Variants in KLHL1 observed in about 807,000 individuals in gnomAD.
The protein encoded by KLHL1 is kelch-like protein 1.
In KLHL1, 47 loss-of-function variants were observed where a neutral mutation model predicts 77.7. The ratio of observed to expected loss-of-function variants is 0.60; its 90% CI spans 0.48 to 0.77. The LOEUF is 0.77. KLHL1 is among the 30% of genes least tolerant of loss of function. The pLI, the probability that KLHL1 is intolerant of heterozygous loss-of-function variation, is 0.00. For synonymous variants in KLHL1, 360 were observed against 325.2 expected (o/e 1.11, Z -1.15); for missense variants, 925 against 910.8 (o/e 1.02, Z -0.20).
At chr13:69,952,294 G>A (rs141024967) in intron 3 of KLHL1, among the ~76,000 whole-genome samples, 1,571 of 151,432 alleles carry the variant, frequency 0.01, 26 homozygotes, top group African/African-American at 0.035. Context: ...TAGTATTTAC[G>A]TTTTTCAGGC....
intron 4 of KLHL1, among the ~76,000 whole-genome samples, chr13:69,893,626 A>T (rs1881516861): frequency 6.6e-6 from 1 of 152,232 alleles, no homozygotes. Flanking sequence ...ACATTACAAC[A>T]TATATTGTTA....
At chr13:69,724,678 G>T (rs555354273) in intron 8 of KLHL1, among the ~76,000 whole-genome samples, 1 of 151,848 alleles carries the variant, frequency 6.6e-6, no homozygotes, top group Non-Finnish European at 1.5e-5. Flanking sequence ...AGGATGCAAG[G>T]ATAGTTCAAC....
rs1883318985 is a variant in KLHL1 at position 69,940,056 on chromosome 13, G to T, written c.998C>A (p.Ala333Asp). 4 of 1,605,906 alleles carry T rather than the reference G, an allele frequency of 2.5e-6. No individual in the cohort carries two copies. The highest frequency in any genetic ancestry group is 3.4e-6 in the Non-Finnish European group (4 of 1,176,046). ...TTTCCTTACCATTGTGTAGCTGTGG[G>T]CCACCTTCATTAACTCAATGCATCC... ...AQGCIELMKVAHSYTMENIME... is the reference protein window; with the variant it reads ...AQGCIELMKVDHSYTMENIME... The change falls in exon 4 of 11, where the codon GCC (alanine) becomes GAC (aspartate). Residue 333 changes from alanine (A) to aspartate (D), a missense_variant. Physicochemically the swap from Ala to Asp is moderately radical, Grantham distance 126 (BLOSUM62 -2). Coordinates refer to ENST00000377844, the MANE Select transcript of KLHL1 (RefSeq NM_020866.3).
Position 69,961,375 on chromosome 13 carries a change from T to C in KLHL1, c.750A>G (p.Gln250=). ...CTATGCCTTCCATTTTGATCTCCTC[T>C]TGCTTGGCTTCACAAACATCACTTG... ...MFTSDVCEAK[Q]EEIKMEGIDP... The change falls in exon 3 of 11, where the codon CAA becomes CAG. Residue 250 remains glutamine (Q), a synonymous_variant. Transcript: ENST00000377844. The C allele has an allele frequency of 6.2e-7, 1 of 1,613,184 alleles. No homozygotes were observed. The highest frequency in any genetic ancestry group is 8.5e-7 in the Non-Finnish European group (1 of 1,179,432).
At chr13:70,063,508 TTTG>T (rs961007366) in intron 1 of KLHL1, among the ~76,000 whole-genome samples, 1 of 152,086 alleles carries the variant, frequency 6.6e-6, no homozygotes, top group Non-Finnish European at 1.5e-5. Context: ...GCCATGTTAT[TTTG>T]TTATTTAAAA....
At chr13:70,013,221 G>C (rs1314827719) in intron 1 of KLHL1, among the ~76,000 whole-genome samples, 1 of 151,980 alleles carries the variant, frequency 6.6e-6, no homozygotes, top group African/African-American at 2.4e-5. Context: ...ACACTTCAAA[G>C]TACAACACTG....
At chr13:69,864,144 C>A (rs1880278071) in intron 5 of KLHL1, among the ~76,000 whole-genome samples, 1 of 151,738 alleles carries the variant, frequency 6.6e-6, no homozygotes, top group African/African-American at 2.4e-5. Context: ...ACTCCGGGGA[C>A]TTTTATAAAA....
intron 1 of KLHL1, among the ~76,000 whole-genome samples, chr13:70,025,071 T>A (rs1267662929): frequency 6.6e-6 from 1 of 152,050 alleles, no homozygotes; most frequent in Non-Finnish European, 1.5e-5. Context: ...ATGAATTTTA[T>A]GTGATCCTAC....
At chr13:69,898,560 C>A (rs563949912) in intron 4 of KLHL1, among the ~76,000 whole-genome samples, 3 of 152,242 alleles carry the variant, frequency 2.0e-5, no homozygotes, top group East Asian at 1.9e-4. Flanking sequence ...TGAGTGAGTT[C>A]TTTTGAACCC....
chr13:69,836,827 A>T (rs1879009990), intron 6 of KLHL1, among the ~76,000 whole-genome samples: 1 of 151,726 alleles, frequency 6.6e-6, no homozygotes, highest in Admixed American at 6.6e-5. Flanking sequence ...GGCTGTTACT[A>T]CTGACCAAAC....
rs943526567 is a variant in KLHL1, at chr13:69,714,464, G to T, written c.2015+4905C>A. Reference sequence around the variant, plus strand: ...CCAGTTTAAACAAACTTTAAAAATTGGATACGCTTAACAGTTCAAAACTAA... The same window carrying T: ...CCAGTTTAAACAAACTTTAAAAATTTGATACGCTTAACAGTTCAAAACTAA... On this transcript the variant is annotated intron_variant, in intron 9 of 10. Coordinates refer to ENST00000377844, the MANE Select transcript of KLHL1 (RefSeq NM_020866.3). Among the ~76,000 whole-genome samples, 3 of 151,896 alleles carry T rather than the reference G, an allele frequency of 2.0e-5. 1 individual carries two copies. The highest frequency in any genetic ancestry group is 2.9e-5 in the Non-Finnish European group (2 of 67,962).
chr13:70,061,733 T>G (rs1322746832), intron 1 of KLHL1, among the ~76,000 whole-genome samples: 3 of 152,222 alleles, frequency 2.0e-5, no homozygotes, highest in African/African-American at 7.2e-5. Context: ...TCTTGCATTT[T>G]CAAATTCCTT....
At position 69,750,524 on chromosome 13, in the gene KLHL1, A is replaced by G. The variant is rs1173534787; in HGVS notation, c.1640-9968T>C. Among the ~76,000 whole-genome samples, 3 of 151,846 alleles carry G rather than the reference A, an allele frequency of 2.0e-5. No homozygotes were observed. The East Asian group carries it at 5.8e-4, about 29-fold the overall frequency. On this transcript the variant is annotated intron_variant, in intron 7 of 10. Transcript: ENST00000377844. ...TACATGTATGTGTGTATATATATGC[A>G]TGTGTATATATATGCATAGTTTTCA... is the stretch of plus-strand genomic sequence containing the variant.
intron 8 of KLHL1, among the ~76,000 whole-genome samples, chr13:69,729,647 T>C (rs7318701): frequency 0.053 from 8,004 of 151,998 alleles, 364 homozygotes; most frequent in African/African-American, 0.12. Flanking sequence ...CTGAGTAACA[T>C]AGGAAAAGTA....
intron 7 of KLHL1, among the ~76,000 whole-genome samples, chr13:69,745,034 C>A (rs1874147288): frequency 1.3e-5 from 2 of 151,868 alleles, no homozygotes; most frequent in African/African-American, 4.8e-5. Context: ...ATCTAAAAAG[C>A]TTTCCAGGTT....
chr13:69,892,221 A>G (rs1336868394), intron 4 of KLHL1, among the ~76,000 whole-genome samples: 1 of 152,176 alleles, frequency 6.6e-6, no homozygotes, highest in Non-Finnish European at 1.5e-5. Context: ...TCTCTGTACA[A>G]TCTTTATAAA....
rs1883267470 is a variant in KLHL1, at chr13:69,939,072, A to T, written c.1014+968T>A. The stretch of plus-strand genomic sequence containing the variant: ...CAATGAAGACATTAATAATATGAAT[A>T]ATAATATCACAGTAAAAATAGGTAG... On this transcript the variant is annotated intron_variant, in intron 4 of 10. Transcript: ENST00000377844. Among the ~76,000 whole-genome samples the T allele has an allele frequency of 2.0e-5, 3 of 151,676 alleles. No individual in the cohort carries two copies. The South Asian group carries it at 6.2e-4, about 31-fold the overall frequency.
At chr13:70,105,648 G>T (rs1226478973) in intron 1 of KLHL1, among the ~76,000 whole-genome samples, 2 of 151,110 alleles carry the variant, frequency 1.3e-5, no homozygotes, top group African/African-American at 2.4e-5. Flanking sequence ...CTCCCAAAAA[G>T]TGTTTATATT....
chr13:69,867,396 T>C (rs896916454), intron 5 of KLHL1, among the ~76,000 whole-genome samples: 6 of 152,106 alleles, frequency 3.9e-5, no homozygotes, highest in African/African-American at 1.4e-4. Context: ...TCAATATTTG[T>C]TTCAGTTACT....
Sources: allele counts gnomAD v4.1 joint callset (sites outside exome capture counted in the v4.1 genomes callset), GRCh38; gene constraint gnomAD v4.1.1; transcripts MANE v1.5; gene names NCBI Gene and HGNC (gene_info 2026-07-23, HGNC 2026-07-21).